The following MTMR1 variants were observed in gnomAD, a reference collection of about 807,000 sequenced individuals.
The protein encoded by MTMR1 is myotubularin related protein 1, also known as phosphatidylinositol-3-phosphate phosphatase MTMR1.
Under a neutral mutation model 51.6 loss-of-function variants are expected in MTMR1, and 17 were observed. The ratio of observed to expected loss-of-function variants is 0.33; its 90% CI spans 0.23 to 0.49. The LOEUF (loss-of-function observed/expected upper bound fraction) is 0.49, where lower values mean the gene tolerates loss of function less well. Among genes scored for constraint, MTMR1 ranks in the 20% least tolerant of loss-of-function variants. MTMR1 has a pLI of 0.99. For missense variants in MTMR1, 386 were observed against 526.9 expected, an observed-to-expected ratio of 0.73 and a Z score of 2.62; for synonymous variants, 201 against 205.6, an observed-to-expected ratio of 0.98 and a Z score of 0.19.
At chrX:150,720,331 G>A (rs782628908) in intron 4 of MTMR1, among the ~76,000 whole-genome samples, 26 of 111,411 alleles carry the variant, frequency 2.3e-4, no homozygotes, top group Non-Finnish European at 4.9e-4. Context: ...TGCCTTCTCC[G>A]CCATCCCCAA....
At chrX:150,742,834 A>AAAAAAAG (rs1557417357) in intron 12 of MTMR1, among the ~76,000 whole-genome samples, 4 of 101,887 alleles carry the variant, frequency 3.9e-5, no homozygotes, top group African/African-American at 1.2e-4. Context: ...AAAAAAAAAA[A>AAAAAAAG]AAAGAAAGAA....
In MTMR1 at chrX:150,698,725, CAA is replaced by C. The variant is rs1275792702; in HGVS notation, c.147-467_147-466del. Among the ~76,000 whole-genome samples, 16 of 105,618 alleles carry C rather than the reference CAA, an allele frequency of 1.5e-4. No homozygotes were observed. In the East Asian group the frequency reaches 2.7e-3, roughly 18 times the overall value. 91.7% of individuals were successfully genotyped at this position (105,618 alleles called of 115,157 possible). A position where few individuals can be genotyped will look rare whatever the true frequency, so the allele number is the denominator to read the frequency against. The stretch of plus-strand genomic sequence containing the variant: ...ACACACACACACACACACACACACA[CAA>C]AAGCCGGGCCTGGTGGCATGTGCCT... On this transcript the variant is annotated intron_variant, in intron 1 of 15. Coordinates refer to ENST00000445323, the MANE Select transcript of MTMR1 (RefSeq NM_001306144.3).
At chrX:150,693,344 G>A, upstream of MTMR1, 1 of 544,887 alleles carries the variant, frequency 1.8e-6, no homozygotes, top group Non-Finnish European at 2.2e-6. Context: ...CCCCGCTCCC[G>A]CCCCCCGACC....
In MTMR1 at chrX:150,707,474, G is replaced by A. The variant is rs139425663; in HGVS notation, c.253-4868G>A. Among the ~76,000 whole-genome samples, 254 of 112,680 alleles carry A rather than the reference G, an allele frequency of 2.3e-3. 3 individuals are homozygous for A. Among genetic ancestry groups the A allele is most frequent in the Middle Eastern group, 0.019 (4 of 216 alleles). The stretch of plus-strand genomic sequence containing the variant: ...AGATATACACATGGCAGGTAAGCAC[G>A]TGAAAAGACGTTCAACATCATTTCT... On this transcript the variant is annotated intron_variant, in intron 2 of 15. Coordinates refer to ENST00000445323, the MANE Select transcript of MTMR1 (RefSeq NM_001306144.3).
chrX:150,734,887 T>G (rs187681568), intron 10 of MTMR1, among the ~76,000 whole-genome samples: 1 of 112,371 alleles, frequency 8.9e-6, no homozygotes, highest in African/African-American at 3.2e-5. Flanking sequence ...TCCCAAAAGT[T>G]TGTCCAACTG....
At chrX:150,742,724 G>A (rs781830801) in intron 12 of MTMR1, among the ~76,000 whole-genome samples, 1 of 107,084 alleles carries the variant, frequency 9.3e-6, no homozygotes, top group East Asian at 2.9e-4. Context: ...GGCTGAGGCA[G>A]GAGAATGGTG....
intron 12 of MTMR1, among the ~76,000 whole-genome samples, chrX:150,738,003 G>A (rs1477569876): frequency 9.0e-6 from 1 of 111,543 alleles, no homozygotes; most frequent in Non-Finnish European, 1.9e-5. Flanking sequence ...GGAGGCAGAG[G>A]TTGCAGTGAG....
intron 15 of MTMR1, among the ~76,000 whole-genome samples, chrX:150,761,738 C>G (rs1459991978): frequency 8.9e-6 from 1 of 112,279 alleles, no homozygotes; most frequent in African/African-American, 3.2e-5. Flanking sequence ...AGCCTTGCCC[C>G]CAGCCAAAGA....
chrX:150,730,084 C>T, intron 6 of MTMR1, 25 bp from the exon 7 acceptor site: 1 of 1,107,365 alleles, frequency 9.0e-7, no homozygotes, highest in Non-Finnish European at 1.2e-6. Flanking sequence ...TGTTGAATAA[C>T]CGAGTTTTGC....
At chrX:150,761,385 ATCC>A (rs2043124344) in intron 15 of MTMR1, among the ~76,000 whole-genome samples, 1 of 111,867 alleles carries the variant, frequency 8.9e-6, no homozygotes, top group African/African-American at 3.3e-5. Flanking sequence ...TCTCGCTCTC[ATCC>A]TCCTTCCGTC....
In MTMR1 at chrX:150,736,767, T is replaced by C. The variant is rs1557417181; in HGVS notation, c.1253T>C (p.Leu418Pro). ...TCCAATGTGGATGGGACGCATTGGCTGGAATATATAAGGGTAAAGAGATCC... is the reference window on the plus strand; with the variant it reads ...TCCAATGTGGATGGGACGCATTGGCCGGAATATATAAGGGTAAAGAGATCC... Reference protein sequence around the residue: ...WLSNVDGTHWLEYIRMLLAGA... With the variant: ...WLSNVDGTHWPEYIRMLLAGA... The change falls in exon 11 of 16, where the codon CTG becomes CCG. Residue 418 changes from leucine (L) to proline (P), a missense_variant. Physicochemically the swap from Leu to Pro is moderately conservative, Grantham distance 98 (BLOSUM62 -3). Coordinates refer to ENST00000445323, the MANE Select transcript of MTMR1 (RefSeq NM_001306144.3). 2 of 1,203,633 alleles carry C rather than the reference T, an allele frequency of 1.7e-6. No individual in the cohort carries two copies. The highest frequency in any genetic ancestry group is 3.5e-5 in the African/African-American group (2 of 57,035).
chrX:150,698,743 G>T (rs1569565619), intron 1 of MTMR1, among the ~76,000 whole-genome samples: 2 of 107,031 alleles, frequency 1.9e-5, no homozygotes, highest in Non-Finnish European at 3.9e-5. Flanking sequence ...GGGCCTGGTG[G>T]CATGTGCCTG....
At chrX:150,760,336 G>T (rs1329938580) in intron 15 of MTMR1, among the ~76,000 whole-genome samples, 1 of 107,959 alleles carries the variant, frequency 9.3e-6, no homozygotes, top group Non-Finnish European at 1.9e-5. Context: ...GTGCAGGGGG[G>T]TAAACGACAG....
At chrX:150,735,005 G>T (rs1221134086) in intron 10 of MTMR1, among the ~76,000 whole-genome samples, 1 of 112,071 alleles carries the variant, frequency 8.9e-6, no homozygotes, top group Non-Finnish European at 1.9e-5. Context: ...CCTAGTGTCC[G>T]TATAAGAAAG....
chrX:150,762,282 C>T (rs112618839), intron 15 of MTMR1, among the ~76,000 whole-genome samples: 107 of 112,504 alleles, frequency 9.5e-4, no homozygotes, highest in Non-Finnish European at 1.2e-3. Context: ...GTCCCCGTGC[C>T]TGCTTGTCTT....
Position 150,750,862 on chromosome X carries a change from T to C in MTMR1, c.1680+19T>C, listed in dbSNP as rs1557417574. On this transcript the variant is annotated intron_variant, in intron 14 of 15. Coordinates refer to ENST00000445323, the MANE Select transcript of MTMR1 (RefSeq NM_001306144.3). ...CAAAGAGGTGAGTATGCTGCATCCT[T>C]GTCTGTTGCTTTCCCTGTGGCTCAG... 8.8e-7 allele frequency: 1 copy of C among 1,135,677 alleles called. No homozygotes were observed. Among genetic ancestry groups the C allele is most frequent in the East Asian group, 3.0e-5 (1 of 33,492 alleles). 93.6% of individuals were successfully genotyped at this position (1,135,677 alleles called of 1,213,427 possible).
At chrX:150,741,523 A>G (rs1247507368) in intron 12 of MTMR1, among the ~76,000 whole-genome samples, 2 of 111,801 alleles carry the variant, frequency 1.8e-5, no homozygotes, top group African/African-American at 6.5e-5. Flanking sequence ...CACCATACCC[A>G]CTGCATACTT....
At chrX:150,726,100 G>T (rs891923054) in intron 4 of MTMR1, among the ~76,000 whole-genome samples, 1 of 111,990 alleles carries the variant, frequency 8.9e-6, no homozygotes, top group South Asian at 3.7e-4. Flanking sequence ...ACAGCAGGAG[G>T]TGAGCAGCGG....
At chrX:150,733,156 G>C (rs2042164960) in intron 10 of MTMR1, among the ~76,000 whole-genome samples, 1 of 111,788 alleles carries the variant, frequency 8.9e-6, no homozygotes, top group African/African-American at 3.3e-5. Context: ...AAATCTCATG[G>C]AGCACCTGTG....
Sources: gnomAD v4.1 joint callset for allele counts (sites outside exome capture counted in the v4.1 genomes callset) on GRCh38, gnomAD v4.1.1 for gene constraint, MANE v1.5 for transcripts, NCBI Gene and HGNC (gene_info 2026-07-23, HGNC 2026-07-21) for gene names.